Variants in ST7L observed in about 807,000 individuals in gnomAD.
ST7L encodes suppression of tumorigenicity 7 like.
Under a neutral mutation model 72.5 loss-of-function variants are expected in ST7L, and 57 were observed. That is an observed-to-expected ratio of 0.79 (90% CI 0.64 to 0.98). The LOEUF is 0.98. Ranked by LOEUF, ST7L falls within the 50% of genes least tolerant of loss-of-function variation. The pLI, the probability that ST7L is intolerant of heterozygous loss-of-function variation, is 0.00. For synonymous variants in ST7L, 221 were observed against 240.9 expected (o/e 0.92, Z 0.77); for missense variants, 576 against 672.2 (o/e 0.86, Z 1.58).
chr1:112,619,355 T>C, upstream of ST7L: 2 of 589,306 alleles, frequency 3.4e-6, no homozygotes, highest in Non-Finnish European at 6.0e-6. Context: ...GACTGAGATG[T>C]GACCCCGAAG....
chr1:112,547,849 C>T (rs1275471207), intron 13 of ST7L, among the ~76,000 whole-genome samples: 1 of 151,978 alleles, frequency 6.6e-6, no homozygotes, highest in Non-Finnish European at 1.5e-5. Context: ...CAAACGTGAG[C>T]CATCGTTCCT....
At chr1:112,610,649 C>A in intron 3 of ST7L, 192 bp downstream of exon 3, 3 of 604,464 alleles carry the variant, frequency 5.0e-6, no homozygotes, top group Non-Finnish European at 8.2e-6. Context: ...CATCACATCC[C>A]TGAGGGCACT....
chr1:112,578,502 A>T, intron 9 of ST7L, 85 bp from the exon 10 acceptor site: 1 of 1,173,526 alleles, frequency 8.5e-7, no homozygotes, highest in Non-Finnish European at 1.3e-6. Context: ...ACGGCCAGGC[A>T]TGGTGGCTCA....
intron 14 of ST7L, among the ~76,000 whole-genome samples, chr1:112,537,609 C>T (rs1331707507): frequency 6.6e-6 from 1 of 152,220 alleles, no homozygotes; most frequent in Non-Finnish European, 1.5e-5. Flanking sequence ...TTACTTTGAA[C>T]TCTCATATTT....
intron 11 of ST7L, among the ~76,000 whole-genome samples, chr1:112,561,420 G>A (rs1427810926): frequency 1.4e-5 from 2 of 146,690 alleles, no homozygotes; most frequent in African/African-American, 5.0e-5. Flanking sequence ...ATTTATGTTT[G>A]TCTGGATTTC....
chr1:112,573,410 T>C (rs1330330626), intron 11 of ST7L, among the ~76,000 whole-genome samples: 1 of 147,662 alleles, frequency 6.8e-6, no homozygotes, highest in African/African-American at 2.5e-5. Context: ...CTGCAAATAC[T>C]AATATGGCAA....
At chr1:112,598,656 A>T (rs1023445594) in intron 4 of ST7L, among the ~76,000 whole-genome samples, 27 of 152,226 alleles carry the variant, frequency 1.8e-4, no homozygotes, top group African/African-American at 6.0e-4. Flanking sequence ...CACAAAATGA[A>T]GCCTGGAATG....
At chr1:112,568,887 T>TATATATAA (rs1308318369) in intron 11 of ST7L, among the ~76,000 whole-genome samples, 5,951 of 131,424 alleles carry the variant, frequency 0.045, 448 homozygotes, top group East Asian at 0.34. Context: ...TATATATATA[T>TATATATAA]AAAACAAAAA....
At chr1:112,591,355 G>A (rs935138952) in intron 6 of ST7L, 170 bp downstream of exon 6, 2 of 569,742 alleles carry the variant, frequency 3.5e-6, no homozygotes, top group African/African-American at 2.0e-5. Context: ...AATTTCAGAA[G>A]CAAAATACAG....
At chr1:112,535,696 C>G (rs925563381) in intron 14 of ST7L, among the ~76,000 whole-genome samples, 2 of 151,342 alleles carry the variant, frequency 1.3e-5, no homozygotes, top group African/African-American at 4.9e-5. Context: ...GCACTCCTGC[C>G]TGGGTGAGAG....
Position 112,616,470 on chromosome 1 carries a change from C to T in ST7L, c.288+343G>A, listed in dbSNP as rs6658983. ...CATATAAAGGATCTTTAGGCCAGGG[C>T]GGTGCCTCACGCCTGTAATCCCAGC... is the stretch of plus-strand genomic sequence containing the variant. On this transcript the variant is annotated intron_variant, in intron 2 of 14. Coordinates refer to ENST00000358039, the MANE Select transcript of ST7L (RefSeq NM_017744.5). 2.6e-3 allele frequency among the ~76,000 whole-genome samples: 400 copies of T among 152,194 alleles called. 3 individuals are homozygous for T. The highest frequency in any genetic ancestry group is 8.9e-3 in the African/African-American group (369 of 41,522).
intron 4 of ST7L, 119 bp downstream of exon 4, chr1:112,600,675 A>C (rs767462607): frequency 1.3e-5 from 11 of 840,384 alleles, no homozygotes; most frequent in Non-Finnish European, 2.1e-5. Flanking sequence ...ATTTTACTTT[A>C]TCATAGACCA....
At chr1:112,547,090 T>G (rs1425416727) in intron 13 of ST7L, among the ~76,000 whole-genome samples, 1 of 151,930 alleles carries the variant, frequency 6.6e-6, no homozygotes, top group African/African-American at 2.4e-5. Flanking sequence ...CCTCCTGATA[T>G]AGGATAGATT....
intron 12 of ST7L, 34 bp downstream of exon 12, chr1:112,555,830 TAGAG>T (rs140508049): frequency 2.3e-4 from 337 of 1,448,384 alleles, no homozygotes; most frequent in Non-Finnish European, 2.9e-4. Context: ...AATGAATAGT[TAGAG>T]AGATTAGTGT....
In ST7L at chr1:112,524,624, G is replaced by C. The variant is rs1008880698; in HGVS notation, c.*1389C>G. On this transcript the variant is annotated 3_prime_UTR_variant, in exon 15 of 15. Transcript: ENST00000358039. The stretch of plus-strand genomic sequence containing the variant: ...TGGCCTTGGTGGAGGCCTCTGCCCC[G>C]ACCCTCCACTTGGGAACTGCCTGCT... 1 of 152,528 alleles carries C rather than the reference G, an allele frequency of 6.6e-6. No homozygotes were observed. Among genetic ancestry groups the C allele is most frequent in the Non-Finnish European group, 1.5e-5 (1 of 68,042 alleles). The allele number at this position is 152,528 out of a possible 1,614,324, so 9.4% of individuals were successfully genotyped here.
rs185133549 is a variant in ST7L, at chr1:112,569,713, C to T, written c.1245+7273G>A. Among the ~76,000 whole-genome samples, 213 of 152,286 alleles carry T rather than the reference C, an allele frequency of 1.4e-3. No homozygotes were observed. In the Middle Eastern group the frequency reaches 0.02, roughly 15 times the overall value. ...GTGGCTTACGCCTGTAATCCCATGA[C>T]TATGGGAGGCCGAGGCGGGTGGATC... is the stretch of plus-strand genomic sequence containing the variant. On this transcript the variant is annotated intron_variant, in intron 11 of 14. Coordinates refer to ENST00000358039, the MANE Select transcript of ST7L (RefSeq NM_017744.5).
In ST7L at chr1:112,619,100, C is replaced by A. The variant is rs1670439616; in HGVS notation, c.14G>T (p.Gly5Val). 2 of 1,613,484 alleles carry A rather than the reference C, an allele frequency of 1.2e-6. No individual in the cohort carries two copies. Among genetic ancestry groups the A allele is most frequent in the East Asian group, 4.5e-5 (2 of 44,868 alleles). Reference sequence around the variant, plus strand: ...AACAGCTGCGGCTTCACCCACGCCGCCACGGTCCGCCATCTTGCCGCTATC... The same window carrying A: ...AACAGCTGCGGCTTCACCCACGCCGACACGGTCCGCCATCTTGCCGCTATC... MADR[G>V]GVGEAAAVGA... is the part of the protein sequence containing the mutation. Residue 5 changes from glycine (G) to valine (V), a missense_variant, in exon 1 of 15, where the codon GGC becomes GTC. Coordinates refer to ENST00000358039, the MANE Select transcript of ST7L (RefSeq NM_017744.5).
intron 9 of ST7L, 139 bp from the exon 10 acceptor site, chr1:112,578,556 A>ACC: frequency 1.4e-6 from 1 of 724,654 alleles, no homozygotes; most frequent in South Asian, 1.5e-5. Context: ...CGGGTGGATC[A>ACC]TGAGGTCAGG....
intron 6 of ST7L, among the ~76,000 whole-genome samples, chr1:112,587,259 A>G (rs934685214): frequency 6.6e-6 from 1 of 152,154 alleles, no homozygotes; most frequent in Non-Finnish European, 1.5e-5. Flanking sequence ...TTCCACCATC[A>G]TTGTTGAAAA....
Sources: allele counts gnomAD v4.1 joint callset (sites outside exome capture counted in the v4.1 genomes callset), GRCh38; gene constraint gnomAD v4.1.1; transcripts MANE v1.5; gene names NCBI Gene and HGNC (gene_info 2026-07-23, HGNC 2026-07-21).